The following DHRS9 variants were observed in gnomAD, a reference collection of about 807,000 sequenced individuals.
DHRS9 encodes dehydrogenase/reductase 9, also known as dehydrogenase/reductase SDR family member 9.
A neutral mutation model predicts 26.6 loss-of-function variants in DHRS9; 18 were observed. The observed-to-expected ratio is 0.68, with a 90% confidence interval of 0.47 to 1.00. The LOEUF (loss-of-function observed/expected upper bound fraction) is 1.00. Ranked by LOEUF, DHRS9 falls within the 50% of genes least tolerant of loss-of-function variation. The pLI, the probability that DHRS9 is intolerant of heterozygous loss-of-function variation, is 0.00. For synonymous variants in DHRS9, 134 were observed against 141.1 expected, an observed-to-expected ratio of 0.95 and a Z score of 0.36; for missense variants, 425 against 378.7, an observed-to-expected ratio of 1.12 and a Z score of -1.01.
intron 3 of DHRS9, among the ~76,000 whole-genome samples, chr2:169,086,389 G>T (rs897061018): frequency 2.0e-5 from 3 of 151,952 alleles, no homozygotes; most frequent in African/African-American, 7.3e-5. Context: ...TTCCTTCTTT[G>T]TGTTATCTTG....
At chr2:169,077,359 C>T (rs961730395) in intron 1 of DHRS9, among the ~76,000 whole-genome samples, 1 of 152,134 alleles carries the variant, frequency 6.6e-6, no homozygotes, top group Admixed American at 6.5e-5. Context: ...AAGAAAACTA[C>T]TGTATTGAAA....
At chr2:169,067,174 T>C, upstream of DHRS9, 1 of 1,535,636 alleles carries the variant, frequency 6.5e-7, no homozygotes, top group Non-Finnish European at 8.7e-7. Context: ...CCACTGTGCA[T>C]GCTCTATCAC....
intron 3 of DHRS9, 108 bp downstream of exon 3, chr2:169,083,695 A>G (rs1684265314): frequency 2.2e-6 from 3 of 1,350,772 alleles, no homozygotes; most frequent in African/African-American, 2.9e-5. Context: ...TACCATATTT[A>G]TCTCTAATTT....
chr2:169,073,162 G>GCC (rs1558949158), intron 1 of DHRS9, among the ~76,000 whole-genome samples: 1 of 152,040 alleles, frequency 6.6e-6, no homozygotes, highest in Non-Finnish European at 1.5e-5. Flanking sequence ...ATAATGCCAA[G>GCC]TATCATACAA....
intron 4 of DHRS9, among the ~76,000 whole-genome samples, chr2:169,092,859 C>G (rs1001062067): frequency 2.6e-5 from 4 of 152,088 alleles, no homozygotes; most frequent in Non-Finnish European, 4.4e-5. Flanking sequence ...TTAAAATCCC[C>G]CAAAAAACTC....
chr2:169,069,990 A>C, intron 1 of DHRS9: 1 of 762,784 alleles, frequency 1.3e-6, no homozygotes, highest in Non-Finnish European at 1.6e-6. Flanking sequence ...AATTCAATTC[A>C]TATTTTATTT....
At position 169,081,761 on chromosome 2, in the gene DHRS9, TCTGA is replaced by T; in HGVS notation, c.185_188del (p.Thr62AsnfsTer7). Reference sequence around the variant, plus strand: ...AGGGATTTCATGTAATCGCTGCCTGTCTGACTGAATCAGGATCAACAGCTTTAAA... The same window carrying T: ...AGGGATTTCATGTAATCGCTGCCTGTCTGAATCAGGATCAACAGCTTTAAA... On this transcript the variant is annotated frameshift_variant, in exon 2 of 5. Transcript: ENST00000674881. LOFTEE classifies it high-confidence loss of function. The T allele has an allele frequency of 6.2e-7, 1 of 1,614,184 alleles. No individual in the cohort carries two copies. The highest frequency in any genetic ancestry group is 8.5e-7 in the Non-Finnish European group (1 of 1,180,010).
At chr2:169,070,472 C>T (rs1683765706) in intron 1 of DHRS9, 1 of 985,446 alleles carries the variant, frequency 1.0e-6, no homozygotes, top group South Asian at 4.7e-5. Context: ...TGTCCCACTA[C>T]ACTGTTAGAC....
chr2:169,080,216 G>C (rs1684140964), intron 1 of DHRS9, among the ~76,000 whole-genome samples: 1 of 152,100 alleles, frequency 6.6e-6, no homozygotes, highest in African/African-American at 2.4e-5. Flanking sequence ...GGAGTCTCAG[G>C]GTGGGTCAAG....
chr2:169,073,517 TCAGTTGGCCACCC>T lies in DHRS9; in HGVS notation c.-60+3801_-60+3813del, dbSNP rs556593072. 1.2e-3 allele frequency among the ~76,000 whole-genome samples: 190 copies of T among 152,102 alleles called. 1 individual carries two copies. Among genetic ancestry groups the T allele is most frequent in the African/African-American group, 4.4e-3 (184 of 41,500 alleles). ...GGAGGATATTTTGAATTCTGTAGGG[TCAGTTGGCCACCC>T]ACCAAAGGGTACCCCCAGAGGAGCT... On this transcript the variant is annotated intron_variant, in intron 1 of 4. Transcript: ENST00000674881.
chr2:169,077,341 T>C (rs1176087731), intron 1 of DHRS9, among the ~76,000 whole-genome samples: 1 of 152,180 alleles, frequency 6.6e-6, no homozygotes, highest in African/African-American at 2.4e-5. Context: ...AAATACATAG[T>C]ATTACAAAAG....
At position 169,095,624 on chromosome 2, in the gene DHRS9, A is replaced by C. The variant is rs1209112835; in HGVS notation, c.817A>C (p.Thr273Pro). 1 of 1,613,872 alleles carries C rather than the reference A, an allele frequency of 6.2e-7. No homozygotes were observed. Among genetic ancestry groups the C allele is most frequent in the Non-Finnish European group, 8.5e-7 (1 of 1,179,926 alleles). ...GGTAGAGTGCATGGACCACGCTCTA[A>C]CAAGTCTCTTCCCTAAGACTCATTA... ...PVVECMDHAL[T>P]SLFPKTHYAA... The change falls in exon 5 of 5, where the codon ACA (threonine) becomes CCA (proline). Residue 273 changes from threonine to proline, a missense_variant. Coordinates refer to ENST00000674881, the MANE Select transcript of DHRS9 (RefSeq NM_001376924.1).
At chr2:169,069,531 G>A (rs1008243952), upstream of DHRS9, 1 of 985,332 alleles carries the variant, frequency 1.0e-6, no homozygotes, top group African/African-American at 1.7e-5. Context: ...ACAGAGCAAG[G>A]AGAGAACCTG....
chr2:169,090,374 C>T (rs566691640), intron 3 of DHRS9, among the ~76,000 whole-genome samples: 9 of 152,326 alleles, frequency 5.9e-5, no homozygotes, highest in Admixed American at 2.0e-4. Flanking sequence ...AGCCTCTTGG[C>T]ACTGCTACTT....
At chr2:169,078,400 A>C (rs1191387605) in intron 1 of DHRS9, among the ~76,000 whole-genome samples, 1 of 152,234 alleles carries the variant, frequency 6.6e-6, no homozygotes, top group Admixed American at 6.5e-5. Context: ...GGGAGTTTAG[A>C]CTGCAATGAA....
chr2:169,078,815 C>CTTTTTTTTTTTTTTTTTTTTTTTTTTT (rs200691133), intron 1 of DHRS9, among the ~76,000 whole-genome samples: 8 of 110,368 alleles, frequency 7.2e-5, no homozygotes, highest in Non-Finnish European at 1.1e-4. Context: ...TATCAACTGA[C>CTTTTTTTTTTTTTTTTTTTTTTTTTTT]TTTTTTTTTT....
In DHRS9 at chr2:169,091,650, G is replaced by A. The variant is rs1403093084; in HGVS notation, c.573-140G>A. The A allele has an allele frequency of 6.3e-6, 6 of 949,972 alleles. No homozygotes were observed. In the South Asian group the frequency reaches 9.2e-5, roughly 14 times the overall value. 58.8% of individuals were successfully genotyped at this position (949,972 alleles called of 1,614,324 possible). ...AGTTTCCTCACTTGCAAAATGAAAGGGAGAGAGAATAAGATATTTCTTTCA... is the reference window on the plus strand; with the variant it reads ...AGTTTCCTCACTTGCAAAATGAAAGAGAGAGAGAATAAGATATTTCTTTCA... On this transcript the variant is annotated intron_variant, in intron 3 of 4. Coordinates refer to ENST00000674881, the MANE Select transcript of DHRS9 (RefSeq NM_001376924.1).
chr2:169,074,556 A>G (rs1683904722), intron 1 of DHRS9: 3 of 562,574 alleles, frequency 5.3e-6, no homozygotes, highest in Non-Finnish European at 6.8e-6. Context: ...TAGCCCTATT[A>G]GCCTTTTAGT....
At chr2:169,076,162 A>C (rs1683956868) in intron 1 of DHRS9, among the ~76,000 whole-genome samples, 1 of 152,140 alleles carries the variant, frequency 6.6e-6, no homozygotes. Context: ...TTATTTATTG[A>C]TTGATTTACT....
Sources: allele counts gnomAD v4.1 joint callset (sites outside exome capture counted in the v4.1 genomes callset), GRCh38; gene constraint gnomAD v4.1.1; transcripts MANE v1.5; gene names NCBI Gene and HGNC (gene_info 2026-07-23, HGNC 2026-07-21).